ZC3HAV1: variants seen among roughly 807,000 people sequenced by gnomAD.
ZC3HAV1 encodes the protein zinc finger CCCH-type containing, antiviral 1, also known as zinc finger CCCH-type antiviral protein 1.
In ZC3HAV1, 41 loss-of-function variants were observed where a neutral mutation model predicts 86.6. That is an observed-to-expected ratio of 0.47 (90% CI 0.37 to 0.61). The LOEUF is 0.61. Among genes scored for constraint, ZC3HAV1 ranks in the 20% least tolerant of loss-of-function variants. The pLI is 0.00. For synonymous variants in ZC3HAV1, 421 were observed against 432.1 expected, an observed-to-expected ratio of 0.97 and a Z score of 0.32; for missense variants, 964 against 1,141.1, an observed-to-expected ratio of 0.84 and a Z score of 2.24.
intron 7 of ZC3HAV1, among the ~76,000 whole-genome samples, chr7:139,067,063 C>G (rs1030744281): frequency 2.0e-5 from 3 of 152,180 alleles, no homozygotes; most frequent in Non-Finnish European, 4.4e-5. Flanking sequence ...CAGTGCTGTT[C>G]ACTAGAACAT....
In ZC3HAV1 at chr7:139,109,342, C is replaced by G. The variant is rs1381795838; in HGVS notation, c.-11G>C. On this transcript the variant is annotated 5_prime_UTR_variant, in exon 1 of 13. Transcript: ENST00000242351. ...CTCCGGGTCCGCCATGGCGCGCTGG[C>G]TGTGCTGGCTCTGCCGCGGCGCGGG... 3.8e-6 allele frequency: 6 copies of G among 1,565,684 alleles called. No homozygotes were observed. Among genetic ancestry groups the G allele is most frequent in the Non-Finnish European group, 5.2e-6 (6 of 1,155,814 alleles).
chr7:139,065,023 T>A, intron 7 of ZC3HAV1, 24 bp from the exon 8 acceptor site: 2 of 1,613,698 alleles, frequency 1.2e-6, no homozygotes, highest in South Asian at 2.2e-5. Flanking sequence ...AAATAAAAGG[T>A]AAAGTCAGGG....
At chr7:139,071,738 G>A (rs1414055033) in intron 7 of ZC3HAV1, among the ~76,000 whole-genome samples, 1 of 152,146 alleles carries the variant, frequency 6.6e-6, no homozygotes, top group Non-Finnish European at 1.5e-5. Context: ...AACAAGGAGG[G>A]GTCCAGGAGA....
intron 12 of ZC3HAV1, among the ~76,000 whole-genome samples, chr7:139,052,684 A>C (rs941557636): frequency 6.6e-6 from 1 of 151,272 alleles, no homozygotes; most frequent in African/African-American, 2.4e-5. Context: ...GCACTTTGGC[A>C]GGCCAAGGTA....
At chr7:139,091,176 C>T (rs986642966) in intron 1 of ZC3HAV1, among the ~76,000 whole-genome samples, 1 of 131,556 alleles carries the variant, frequency 7.6e-6, no homozygotes, top group Admixed American at 7.6e-5. Context: ...AGGAAAGACT[C>T]CTACAGCAAG....
intron 3 of ZC3HAV1, among the ~76,000 whole-genome samples, chr7:139,082,255 TGA>T (rs1235948977): frequency 1.3e-5 from 2 of 149,818 alleles, no homozygotes; most frequent in African/African-American, 4.9e-5. Flanking sequence ...GGTGACAGAG[TGA>T]GACTCTGTCT....
intron 7 of ZC3HAV1, among the ~76,000 whole-genome samples, chr7:139,068,024 TTTA>T (rs142686573): frequency 0.13 from 18,614 of 141,766 alleles, 1,282 homozygotes; most frequent in Non-Finnish European, 0.14. Flanking sequence ...TCTTTCTTTC[TTTA>T]TTATTATTAT....
chr7:139,060,987 A>G (rs746131144), intron 9 of ZC3HAV1, 49 bp downstream of exon 9: 1 of 1,611,478 alleles, frequency 6.2e-7, no homozygotes, highest in South Asian at 1.1e-5. Flanking sequence ...AGCCCAGGGC[A>G]TGAACATCTC....
At chr7:139,053,886 G>T in intron 11 of ZC3HAV1, 79 bp downstream of exon 11, 3 of 1,488,534 alleles carry the variant, frequency 2.0e-6, no homozygotes, top group African/African-American at 1.5e-5. Flanking sequence ...ATAAATCAGT[G>T]AATATAAATC....
chr7:139,078,037 A>G (rs899518235), intron 5 of ZC3HAV1, among the ~76,000 whole-genome samples: 3 of 152,178 alleles, frequency 2.0e-5, no homozygotes, highest in African/African-American at 4.8e-5. Flanking sequence ...TCAGGAGTTC[A>G]AGACCAGCCT....
chr7:139,077,771 G>GT (rs1816996354), intron 5 of ZC3HAV1, among the ~76,000 whole-genome samples: 1 of 152,070 alleles, frequency 6.6e-6, no homozygotes, highest in African/African-American at 2.4e-5. Flanking sequence ...TGTTTAAATT[G>GT]TTTTGAAATA....
intron 12 of ZC3HAV1, 126 bp from the exon 13 acceptor site, chr7:139,047,979 A>G (rs1345782495): frequency 1.3e-5 from 13 of 997,832 alleles, no homozygotes; most frequent in Non-Finnish European, 1.7e-5. Context: ...ACTGATATTT[A>G]TAAACTTTCC....
chr7:139,053,462 T>C lies in ZC3HAV1; in HGVS notation c.2438A>G (p.Lys813Arg). 6.3e-7 allele frequency: 1 copy of C among 1,595,594 alleles called. No homozygotes were observed. ...ATCCCGGCACTAACCTTTTCCGTAT[T>C]TGTTTTCATGAGTTTCATGTAGGAA... Reference protein sequence around the residue: ...DSFLHETHENKYGKGIYFAKD... With the variant: ...DSFLHETHENRYGKGIYFAKD... Residue 813 changes from lysine (K) to arginine (R), a missense_variant, in exon 12 of 13, where the codon AAA becomes AGA. By Grantham distance (26) the Lys-to-Arg change is conservative. Transcript: ENST00000242351.
chr7:139,076,197 G>T, intron 6 of ZC3HAV1, 89 bp downstream of exon 6: 3 of 1,559,214 alleles, frequency 1.9e-6, no homozygotes, highest in Admixed American at 3.8e-5. Context: ...ATGGAAAAGT[G>T]TTTTTTTCTT....
In ZC3HAV1 at chr7:139,047,550, A is replaced by G. The variant is rs1003098384; in HGVS notation, c.*44T>C. Reference sequence around the variant, plus strand: ...CTGCGGCAATTTAGTTCTGTAAAGGAACAGAATGGTTATGGCATCCTTCTG... The same window carrying G: ...CTGCGGCAATTTAGTTCTGTAAAGGGACAGAATGGTTATGGCATCCTTCTG... On this transcript the variant is annotated 3_prime_UTR_variant, in exon 13 of 13. Transcript: ENST00000242351. The G allele has an allele frequency of 6.2e-7, 1 of 1,610,372 alleles. No homozygotes were observed. Among genetic ancestry groups the G allele is most frequent in the African/African-American group, 1.3e-5 (1 of 74,904 alleles).
intron 1 of ZC3HAV1, among the ~76,000 whole-genome samples, chr7:139,099,781 G>T (rs1386857026): frequency 5.3e-5 from 8 of 152,234 alleles, no homozygotes; most frequent in Admixed American, 1.3e-4. Context: ...ACAAAAATTA[G>T]CCAGGCATGG....
rs1817986069 is a variant in ZC3HAV1 at position 139,108,036 on chromosome 7, G to T, written c.308+988C>A. 6.6e-6 allele frequency among the ~76,000 whole-genome samples: 1 copy of T among 152,142 alleles called. No individual in the cohort carries two copies. The highest frequency in any genetic ancestry group is 2.4e-5 in the African/African-American group (1 of 41,428). ...AGGACTTGGTGATGACAGATTGTGA[G>T]GAGGATTAAAACCCTGCCTGGGGGA... On this transcript the variant is annotated intron_variant, in intron 1 of 12. Coordinates refer to ENST00000242351, the MANE Select transcript of ZC3HAV1 (RefSeq NM_020119.4). The surrounding 1 kb of genome is among the most constrained non-coding windows in gnomAD (Gnocchi z 4.2).
At chr7:139,096,257 A>C (rs1051082230) in intron 1 of ZC3HAV1, among the ~76,000 whole-genome samples, 1 of 151,990 alleles carries the variant, frequency 6.6e-6, no homozygotes, top group Non-Finnish European at 1.5e-5. Flanking sequence ...CAGGTGATCC[A>C]CCCGTCTCAG....
In ZC3HAV1 at chr7:139,108,339, G is replaced by A. The variant is rs114288800; in HGVS notation, c.308+685C>T. 4.5e-3 allele frequency among the ~76,000 whole-genome samples: 678 copies of A among 152,068 alleles called. 9 individuals are homozygous for A. The highest frequency in any genetic ancestry group is 0.016 in the African/African-American group (655 of 41,474). ...GAGACGTGAGCCACACTGCTTCAAA[G>A]GGATTTAAGAGAGTTGTCCCAAGGC... is the stretch of plus-strand genomic sequence containing the variant. On this transcript the variant is annotated intron_variant, in intron 1 of 12. Coordinates refer to ENST00000242351, the MANE Select transcript of ZC3HAV1 (RefSeq NM_020119.4). This position sits in a 1 kb window ranked among gnomAD's most constrained non-coding sequence, Gnocchi z 4.2.
Sources: allele counts gnomAD v4.1 joint callset (sites outside exome capture counted in the v4.1 genomes callset), GRCh38; gene constraint gnomAD v4.1.1; non-coding constraint Gnocchi (gnomAD v3.1); transcripts MANE v1.5; gene names NCBI Gene and HGNC (gene_info 2026-07-23, HGNC 2026-07-21).